Variants in GNA13 observed in about 807,000 individuals in gnomAD.
GNA13 encodes G protein subunit alpha 13, also known as guanine nucleotide-binding protein subunit alpha-13.
Under a neutral mutation model 33.5 loss-of-function variants are expected in GNA13, and 4 were observed. The ratio of observed to expected loss-of-function variants is 0.12; its 90% CI spans 0.06 to 0.27. The LOEUF is 0.27. Among genes scored for constraint, GNA13 ranks in the 10% least tolerant of loss-of-function variants. The probability of loss-of-function intolerance (pLI) is 1.00; values close to 1 mark genes in which losing one functional copy is unlikely to be tolerated. For synonymous variants in GNA13, 176 were observed against 183.8 expected (o/e 0.96, Z 0.34); for missense variants, 319 against 487.2 (o/e 0.65, Z 3.25).
intron 2 of GNA13, among the ~76,000 whole-genome samples, chr17:65,034,424 G>A (rs914928159): frequency 9.4e-5 from 14 of 149,274 alleles, no homozygotes; most frequent in South Asian, 2.1e-4. Flanking sequence ...TCAGCCTCCC[G>A]AGTAGCTGGG....
Position 65,056,461 on chromosome 17 carries a change from C to T in GNA13, c.133G>A (p.Val45Met). 1 of 1,613,922 alleles carries T rather than the reference C, an allele frequency of 6.2e-7. No individual in the cohort carries two copies. Among genetic ancestry groups the T allele is most frequent in the South Asian group, 1.1e-5 (1 of 91,088 alleles). Residue 45 changes from valine (V) to methionine (M), a missense_variant, in exon 1 of 4, where the codon GTG (valine) becomes ATG (methionine). Physicochemically the swap from Val to Met is conservative, Grantham distance 21. Coordinates refer to ENST00000439174, the MANE Select transcript of GNA13 (RefSeq NM_006572.6). ...AGCAGGATCTTCACCAGCCGCTTCACATAGGTCTTTTCCCGAGACAGGCAT... is the reference window on the plus strand; with the variant it reads ...AGCAGGATCTTCACCAGCCGCTTCATATAGGTCTTTTCCCGAGACAGGCAT... ...DKCLSREKTY[V>M]KRLVKILLLG...
intron 3 of GNA13, among the ~76,000 whole-genome samples, chr17:65,015,967 T>A (rs764853666): frequency 6.6e-6 from 1 of 152,194 alleles, no homozygotes; most frequent in Non-Finnish European, 1.5e-5. Context: ...TTGGTCTATA[T>A]ACCTGGGAGG....
chr17:65,043,853 T>TG (rs1326922574), intron 2 of GNA13, among the ~76,000 whole-genome samples: 1 of 152,174 alleles, frequency 6.6e-6, no homozygotes, highest in African/African-American at 2.4e-5. Context: ...CTGGGCACAG[T>TG]GGTCACGCCT....
chr17:65,041,599 T>C (rs907671727), intron 2 of GNA13, among the ~76,000 whole-genome samples: 1 of 152,160 alleles, frequency 6.6e-6, no homozygotes, highest in Non-Finnish European at 1.5e-5. Context: ...TCAACGCCTC[T>C]GCTAAGTCAC....
chr17:65,037,461 T>C (rs888247085), intron 2 of GNA13, among the ~76,000 whole-genome samples: 2 of 152,168 alleles, frequency 1.3e-5, no homozygotes, highest in Non-Finnish European at 2.9e-5. Flanking sequence ...CGATTCTTCC[T>C]AGAATTCTTC....
rs1351103381 is a variant in GNA13, at chr17:65,009,818, T to C, written c.*4439A>G. ...CTGTGCAAGAATTAATCTCTACCCC[T>C]TTCTTTCCTAGTACCATCAAACAGG... is the stretch of plus-strand genomic sequence containing the variant. On this transcript the variant is annotated 3_prime_UTR_variant, in exon 4 of 4. Coordinates refer to ENST00000439174, the MANE Select transcript of GNA13 (RefSeq NM_006572.6). Among the ~76,000 whole-genome samples the C allele has an allele frequency of 2.0e-5, 3 of 152,214 alleles. No homozygotes were observed. In the South Asian group the frequency reaches 6.2e-4, roughly 32 times the overall value.
intron 2 of GNA13, among the ~76,000 whole-genome samples, chr17:65,049,473 T>C (rs1907784546): frequency 1.3e-5 from 2 of 152,274 alleles, no homozygotes; most frequent in Middle Eastern, 3.4e-3. Flanking sequence ...TCAGGCACTA[T>C]GCTAGTAGGA....
At chr17:65,037,979 T>C (rs552870129) in intron 2 of GNA13, among the ~76,000 whole-genome samples, 133 of 152,240 alleles carry the variant, frequency 8.7e-4, no homozygotes, top group African/African-American at 3.1e-3. Flanking sequence ...GACTCATGTA[T>C]CAAGCTGTCA....
In GNA13 at chr17:65,018,924, C is replaced by T. The variant is rs56097648; in HGVS notation, c.511-621G>A. On this transcript the variant is annotated intron_variant, in intron 2 of 3. Coordinates refer to ENST00000439174, the MANE Select transcript of GNA13 (RefSeq NM_006572.6). ...AGCAATTTCAAACATCTAAACTGTA[C>T]GAGAATACATTCCTAACATGAAAAC... Among the ~76,000 whole-genome samples the T allele has an allele frequency of 4.6e-5, 7 of 152,232 alleles. No homozygotes were observed. The South Asian group carries it at 6.2e-4, about 14-fold the overall frequency.
chr17:65,055,611 C>A, intron 1 of GNA13: 1 of 985,324 alleles, frequency 1.0e-6, no homozygotes, highest in Non-Finnish European at 1.2e-6. Context: ...GACACTGGGG[C>A]GAAAAAGCAC....
Position 65,018,307 on chromosome 17 carries a change from A to G in GNA13, c.511-4T>C, listed in dbSNP as rs753698866. ...GGAAATATTTTACAGATTCACCCTAAAAACAAGAAGAAAACAAATAGTTAT... is the reference window on the plus strand; with the variant it reads ...GGAAATATTTTACAGATTCACCCTAGAAACAAGAAGAAAACAAATAGTTAT... On this transcript the variant is annotated splice_region_variant and splice_polypyrimidine_tract_variant and intron_variant, in intron 2 of 3. Coordinates refer to ENST00000439174, the MANE Select transcript of GNA13 (RefSeq NM_006572.6). 2 of 1,425,268 alleles carry G rather than the reference A, an allele frequency of 1.4e-6. No homozygotes were observed. Among genetic ancestry groups the G allele is most frequent in the Non-Finnish European group, 2.0e-6 (2 of 1,008,100 alleles). The allele number at this position is 1,425,268 out of a possible 1,614,324, so 88.3% of individuals were successfully genotyped here.
intron 2 of GNA13, chr17:65,053,161 C>T (rs1907915777): frequency 4.8e-6 from 1 of 206,256 alleles, no homozygotes; most frequent in Non-Finnish European, 9.7e-6. Context: ...ATGCCTGGGA[C>T]CAGAAGTGTT....
intron 2 of GNA13, among the ~76,000 whole-genome samples, chr17:65,029,862 C>A (rs543472380): frequency 6.6e-6 from 1 of 151,760 alleles, no homozygotes; most frequent in African/African-American, 2.4e-5. Flanking sequence ...ATACATTGAA[C>A]GGGAAGGTTT....
Position 65,056,549 on chromosome 17 carries a change from G to A in GNA13, c.45C>T (p.Phe15=), listed in dbSNP as rs981601204. 9 of 1,612,142 alleles carry A rather than the reference G, an allele frequency of 5.6e-6. No individual in the cohort carries two copies. The highest frequency in any genetic ancestry group is 2.7e-5 in the African/African-American group (2 of 74,864). Residue 15 remains phenylalanine, a synonymous_variant, in exon 1 of 4, where the codon TTC becomes TTT. Transcript: ENST00000439174. ...LPSRSVLSVC[F]PGCLLTSGEA... Reference sequence around the variant, plus strand: ...CGCCACTCGTCAGCAGGCAGCCGGGGAAGCACACGGACAGCACGGACCGCG... The same window carrying A: ...CGCCACTCGTCAGCAGGCAGCCGGGAAAGCACACGGACAGCACGGACCGCG...
intron 2 of GNA13, among the ~76,000 whole-genome samples, chr17:65,040,434 A>T (rs1907411906): frequency 6.6e-6 from 1 of 152,230 alleles, no homozygotes; most frequent in African/African-American, 2.4e-5. Context: ...GAATTGGATA[A>T]ATCACATTTT....
chr17:65,038,612 G>A (rs1907348883), intron 2 of GNA13, among the ~76,000 whole-genome samples: 1 of 152,062 alleles, frequency 6.6e-6, no homozygotes. Flanking sequence ...GGGTTGCGGG[G>A]GGGCGTTTCT....
chr17:65,010,216 C>G lies in GNA13; in HGVS notation c.*4041G>C, dbSNP rs986529162. ...TACAGACATAAGAATGCTAGTGGTA[C>G]AAACACTGTACTCCAAATGATGTTG... On this transcript the variant is annotated 3_prime_UTR_variant, in exon 4 of 4. Transcript: ENST00000439174. Among the ~76,000 whole-genome samples the G allele has an allele frequency of 2.0e-5, 3 of 152,164 alleles. No homozygotes were observed. Among genetic ancestry groups the G allele is most frequent in the Non-Finnish European group, 4.4e-5 (3 of 68,032 alleles).
At chr17:65,045,699 C>A (rs571778025) in intron 2 of GNA13, among the ~76,000 whole-genome samples, 2 of 152,090 alleles carry the variant, frequency 1.3e-5, no homozygotes, top group South Asian at 2.1e-4. Flanking sequence ...TCACTTATAT[C>A]GTTACTATAA....
rs542595743 is a variant in GNA13 at position 65,021,550 on chromosome 17, T to A, written c.511-3247A>T. On this transcript the variant is annotated intron_variant, in intron 2 of 3. Transcript: ENST00000439174. ...CCAGTTACTGAACAAGTGACATTTG[T>A]ATTCAATGCTCTCTTCTGCACAGCT... Among the ~76,000 whole-genome samples the A allele has an allele frequency of 8.9e-4, 135 of 152,344 alleles. No individual in the cohort carries two copies. The Middle Eastern group carries it at 0.01, about 12-fold the overall frequency.
Sources: gnomAD v4.1 joint callset for allele counts (sites outside exome capture counted in the v4.1 genomes callset) on GRCh38, gnomAD v4.1.1 for gene constraint, MANE v1.5 for transcripts, NCBI Gene and HGNC (gene_info 2026-07-23, HGNC 2026-07-21) for gene names.